NRXN3: variants seen among roughly 807,000 people sequenced by gnomAD.
NRXN3 encodes neurexin 3.
In NRXN3, 32 loss-of-function variants were observed where a neutral mutation model predicts 137.6. The ratio of observed to expected loss-of-function variants is 0.23; its 90% CI spans 0.18 to 0.31. NRXN3 has a LOEUF of 0.31. Among genes scored for constraint, NRXN3 ranks in the 10% least tolerant of loss-of-function variants. The pLI is 1.00. For missense variants in NRXN3, 1,574 were observed against 2,062.5 expected, an observed-to-expected ratio of 0.76 and a Z score of 4.59; for synonymous variants, 798 against 784.5, an observed-to-expected ratio of 1.02 and a Z score of -0.29.
chr14:78,877,315 A>G (rs1372407327), intron 10 of NRXN3, among the ~76,000 whole-genome samples: 1 of 152,132 alleles, frequency 6.6e-6, no homozygotes, highest in Non-Finnish European at 1.5e-5. Flanking sequence ...AATATTGGTT[A>G]TTGATATTTT....
intron 15 of NRXN3, among the ~76,000 whole-genome samples, chr14:79,171,286 G>C (rs960421838): frequency 7.9e-5 from 12 of 152,136 alleles, no homozygotes; most frequent in African/African-American, 2.9e-4. Flanking sequence ...TCTTCCGTGA[G>C]GGTTATATAC....
At chr14:79,263,661 A>C (rs1186000094) in intron 15 of NRXN3, among the ~76,000 whole-genome samples, 1 of 152,226 alleles carries the variant, frequency 6.6e-6, no homozygotes, top group Non-Finnish European at 1.5e-5. Flanking sequence ...TGAAGTAATA[A>C]ATGGTTCTTC....
intron 15 of NRXN3, among the ~76,000 whole-genome samples, chr14:79,346,426 AATAAG>A (rs2092887578): frequency 1.3e-5 from 2 of 152,318 alleles, no homozygotes; most frequent in South Asian, 4.1e-4. Flanking sequence ...TGTCTCAAAA[AATAAG>A]ATAAGGCAAG....
chr14:79,474,604 C>G (rs977209955), intron 16 of NRXN3, among the ~76,000 whole-genome samples: 2 of 152,026 alleles, frequency 1.3e-5, no homozygotes, highest in African/African-American at 4.8e-5. Context: ...CTATAGCCTC[C>G]TTGGTGTCTC....
At chr14:79,093,329 G>A (rs532571507) in intron 15 of NRXN3, among the ~76,000 whole-genome samples, 57 of 152,220 alleles carry the variant, frequency 3.7e-4, no homozygotes, top group Middle Eastern at 6.8e-3. Flanking sequence ...CCCAGAAAAC[G>A]TAAGTAAGGC....
chr14:78,233,166 T>G (rs2065686352), intron 1 of NRXN3, among the ~76,000 whole-genome samples: 2 of 152,172 alleles, frequency 1.3e-5, no homozygotes, highest in Non-Finnish European at 2.9e-5. Context: ...TTTCTGTCCT[T>G]TGTGTAGTCT....
At chr14:79,171,026 G>T (rs1190723771) in intron 15 of NRXN3, among the ~76,000 whole-genome samples, 5 of 152,004 alleles carry the variant, frequency 3.3e-5, no homozygotes, top group Non-Finnish European at 5.9e-5. Flanking sequence ...CTTTTTAGGA[G>T]CCCTTTAAAC....
At chr14:78,219,991 T>G (rs897754207) in intron 1 of NRXN3, among the ~76,000 whole-genome samples, 1 of 151,752 alleles carries the variant, frequency 6.6e-6, no homozygotes, top group South Asian at 2.1e-4. Context: ...AGGAGGGATA[T>G]TGAGAAGATA....
intron 15 of NRXN3, 50 bp downstream of exon 15, chr14:78,988,191 T>G (rs528795182): frequency 6.2e-7 from 1 of 1,608,988 alleles, no homozygotes; most frequent in East Asian, 2.2e-5. Context: ...TGTTTGGAGA[T>G]TTGGAGAATC....
At chr14:79,433,453 G>A (rs2095796026) in intron 15 of NRXN3, among the ~76,000 whole-genome samples, 2 of 152,070 alleles carry the variant, frequency 1.3e-5, no homozygotes, top group African/African-American at 4.8e-5. Context: ...CTGACCACTA[G>A]CATTCTCTCT....
At chr14:79,776,562 C>T (rs2099097749) in intron 19 of NRXN3, among the ~76,000 whole-genome samples, 1 of 152,114 alleles carries the variant, frequency 6.6e-6, no homozygotes, top group African/African-American at 2.4e-5. Context: ...TGGAGGTTGT[C>T]AGTGTGTGCT....
chr14:79,061,087 A>T (rs1279704132), intron 15 of NRXN3, among the ~76,000 whole-genome samples: 2 of 152,206 alleles, frequency 1.3e-5, no homozygotes, highest in African/African-American at 4.8e-5. Flanking sequence ...GAAGCCAGAA[A>T]TTAATAAATG....
intron 4 of NRXN3, among the ~76,000 whole-genome samples, chr14:78,592,587 A>G (rs914346291): frequency 6.6e-6 from 1 of 152,194 alleles, no homozygotes; most frequent in Non-Finnish European, 1.5e-5. Context: ...ATAATTGTCT[A>G]AGGATGACAA....
Position 79,663,794 on chromosome 14 carries a change from G to T in NRXN3, c.3461G>T (p.Gly1154Val). Residue 1154 changes from glycine (G) to valine (V), a missense_variant, in exon 17 of 21, where the codon GGA becomes GTA. Transcript: ENST00000335750. ...TTATTATAGGAACAGGGGAAAATTG[G>T]AGTTGTCTTCAACATTGGCACAGTT... ...LQLHIEQGKIGVVFNIGTVDI... is the reference protein window; with the variant it reads ...LQLHIEQGKIVVVFNIGTVDI... 1.2e-6 allele frequency: 2 copies of T among 1,612,818 alleles called. No individual in the cohort carries two copies. Among genetic ancestry groups the T allele is most frequent in the Non-Finnish European group, 1.7e-6 (2 of 1,179,380 alleles).
intron 3 of NRXN3, among the ~76,000 whole-genome samples, chr14:78,280,787 C>T (rs1351586871): frequency 1.3e-5 from 2 of 152,208 alleles, no homozygotes. Context: ...GCCATCCTTT[C>T]AAAGGGGTAG....
chr14:78,979,921 C>G (rs1025556675), intron 14 of NRXN3, among the ~76,000 whole-genome samples: 12 of 152,162 alleles, frequency 7.9e-5, no homozygotes, highest in African/African-American at 2.9e-4. Context: ...CCCACCGGGC[C>G]CCTCCCACAA....
At chr14:79,448,311 T>C (rs530933083) in intron 15 of NRXN3, among the ~76,000 whole-genome samples, 22 of 152,222 alleles carry the variant, frequency 1.4e-4, no homozygotes, top group South Asian at 1.2e-3. Context: ...CCCAACCCAT[T>C]CTAAACAGCC....
chr14:79,450,676 T>C (rs1283795544), intron 15 of NRXN3, among the ~76,000 whole-genome samples: 1 of 151,966 alleles, frequency 6.6e-6, no homozygotes, highest in African/African-American at 2.4e-5. Context: ...CTGGCCAACA[T>C]GGCGAAAATA....
intron 4 of NRXN3, among the ~76,000 whole-genome samples, chr14:78,368,385 A>G (rs998305139): frequency 1.3e-5 from 2 of 152,182 alleles, no homozygotes; most frequent in Non-Finnish European, 1.5e-5. Flanking sequence ...TTTTATTTCT[A>G]TCATGTACAT....
Sources: allele counts gnomAD v4.1 joint callset (sites outside exome capture counted in the v4.1 genomes callset), GRCh38; gene constraint gnomAD v4.1.1; transcripts MANE v1.5; gene names NCBI Gene and HGNC (gene_info 2026-07-23, HGNC 2026-07-21).